Variants in EPM2A observed in about 807,000 individuals in gnomAD.
EPM2A encodes the protein laforin.
Under a neutral mutation model 26.5 loss-of-function variants are expected in EPM2A, and 21 were observed. The observed-to-expected ratio is 0.79, with a 90% CI of 0.56 to 1.14. The LOEUF (loss-of-function observed/expected upper bound fraction) is 1.14, where lower values mean the gene tolerates loss of function less well. Among genes scored for constraint, EPM2A ranks in the 50% most tolerant of loss-of-function variants. EPM2A has a pLI of 0.00. For synonymous variants in EPM2A, 217 were observed against 177.6 expected, an observed-to-expected ratio of 1.22 and a Z score of -1.76; for missense variants, 458 against 440.8, an observed-to-expected ratio of 1.04 and a Z score of -0.35.
chr6:145,519,435 C>CA (rs1780174619), intron 2 of EPM2A, among the ~76,000 whole-genome samples: 1 of 152,088 alleles, frequency 6.6e-6, no homozygotes, highest in East Asian at 1.9e-4. Flanking sequence ...CTAATGTTTT[C>CA]CCTTCAGGGT....
At chr6:145,504,275 A>G (rs1461837344) in intron 2 of EPM2A, among the ~76,000 whole-genome samples, 1 of 112,140 alleles carries the variant, frequency 8.9e-6, no homozygotes, top group Non-Finnish European at 1.9e-5. Flanking sequence ...GCTTCTGCAT[A>G]GCAAAAGAAA....
intron 4 of EPM2A, among the ~76,000 whole-genome samples, chr6:145,402,919 C>T (rs539727295): frequency 1.3e-5 from 2 of 152,120 alleles, no homozygotes; most frequent in Non-Finnish European, 2.9e-5. Flanking sequence ...AGGATATGTG[C>T]ATTTGCAATT....
chr6:145,712,407 G>C (rs1390413583), intron 1 of EPM2A, among the ~76,000 whole-genome samples: 1 of 152,050 alleles, frequency 6.6e-6, no homozygotes, highest in Non-Finnish European at 1.5e-5. Flanking sequence ...GGCTTTCAAT[G>C]AAAATTTTAA....
At chr6:145,665,807 T>C (rs1474878059) in intron 2 of EPM2A, among the ~76,000 whole-genome samples, 4 of 130,800 alleles carry the variant, frequency 3.1e-5, no homozygotes, top group Non-Finnish European at 6.4e-5. Context: ...ATCAAAAAGC[T>C]TATCCACCAT....
intron 2 of EPM2A, among the ~76,000 whole-genome samples, chr6:145,514,169 G>T (rs927508267): frequency 6.6e-6 from 1 of 152,216 alleles, no homozygotes; most frequent in Non-Finnish European, 1.5e-5. Context: ...AGTGGAGTAT[G>T]CGGATATTTG....
chr6:145,519,959 A>G (rs1482633566), intron 2 of EPM2A, among the ~76,000 whole-genome samples: 3 of 152,170 alleles, frequency 2.0e-5, no homozygotes, highest in African/African-American at 7.2e-5. Context: ...AACCAGTATA[A>G]TACAAAATTT....
chr6:145,583,184 C>G (rs1303379580), intron 2 of EPM2A, among the ~76,000 whole-genome samples: 1 of 152,166 alleles, frequency 6.6e-6, no homozygotes, highest in African/African-American at 2.4e-5. Flanking sequence ...TGGTTAAGAA[C>G]CATTGCTGTG....
At chr6:145,616,610 T>G (rs1220408747) in intron 2 of EPM2A, among the ~76,000 whole-genome samples, 1 of 152,168 alleles carries the variant, frequency 6.6e-6, no homozygotes, top group Non-Finnish European at 1.5e-5. Context: ...AGATACTCAA[T>G]GCCAGCCCAT....
At chr6:145,550,738 C>T (rs572713330) in intron 2 of EPM2A, among the ~76,000 whole-genome samples, 48 of 152,122 alleles carry the variant, frequency 3.2e-4, no homozygotes, top group African/African-American at 1.1e-3. Context: ...GATCTACTTC[C>T]ACTTTATGAA....
intron 4 of EPM2A, among the ~76,000 whole-genome samples, chr6:145,489,273 G>A (rs1301309224): frequency 1.3e-5 from 2 of 152,116 alleles, no homozygotes; most frequent in African/African-American, 4.8e-5. Flanking sequence ...AATGATTTAA[G>A]TTTGATTTTA....
chr6:145,385,738 C>T (rs373985297), intron 4 of EPM2A, among the ~76,000 whole-genome samples: 233 of 152,232 alleles, frequency 1.5e-3, no homozygotes, highest in African/African-American at 5.1e-3. Context: ...CTTGAATTTT[C>T]CCATTTCACA....
chr6:145,430,426 C>T (rs542856509), intron 4 of EPM2A, among the ~76,000 whole-genome samples: 68 of 151,686 alleles, frequency 4.5e-4, no homozygotes, highest in Middle Eastern at 3.5e-3. Flanking sequence ...ATGGTGAAAC[C>T]CCGTCTCTAC....
chr6:145,639,525 CCACCA>C (rs1776934102), intron 2 of EPM2A: 1 of 152,226 alleles, frequency 6.6e-6, no homozygotes, highest in South Asian at 2.1e-4. Context: ...CCACCTTGGA[CCACCA>C]GTCCAAGGTC....
At position 145,658,471 on chromosome 6, in the gene EPM2A, A is replaced by G. The variant is rs1778452041; in HGVS notation, c.477-22985T>C. ...TCAGAGATTTAGTTGTTTTTGTTAAAAAGCAGAAATCCCAGTGGATGCTTT... is the reference window on the plus strand; with the variant it reads ...TCAGAGATTTAGTTGTTTTTGTTAAGAAGCAGAAATCCCAGTGGATGCTTT... On this transcript the variant is annotated intron_variant, in intron 2 of 3. Coordinates refer to ENST00000367519, the MANE Select transcript of EPM2A (RefSeq NM_005670.4). Among the ~76,000 whole-genome samples the G allele has an allele frequency of 2.0e-5, 3 of 152,220 alleles. No individual in the cohort carries two copies. In the South Asian group the frequency reaches 6.2e-4, roughly 31 times the overall value.
chr6:145,637,460 GAGA>G (rs1776778371), intron 2 of EPM2A: 2 of 151,970 alleles, frequency 1.3e-5, no homozygotes, highest in Admixed American at 6.6e-5. Context: ...TCCCCTGCAG[GAGA>G]AGAACAACTT....
At chr6:145,684,825 A>T (rs948089451) in intron 2 of EPM2A, 1 of 152,090 alleles carries the variant, frequency 6.6e-6, no homozygotes, top group Non-Finnish European at 1.5e-5. Context: ...CAGGCCATAA[A>T]ACCACGAGAC....
chr6:145,532,692 T>C (rs1780375093), intron 2 of EPM2A, among the ~76,000 whole-genome samples: 1 of 152,184 alleles, frequency 6.6e-6, no homozygotes, highest in African/African-American at 2.4e-5. Flanking sequence ...TGTGTCAGTG[T>C]ACATGATTCA....
intron 2 of EPM2A, among the ~76,000 whole-genome samples, chr6:145,567,428 A>G (rs1396257881): frequency 6.6e-6 from 1 of 152,206 alleles, no homozygotes; most frequent in East Asian, 1.9e-4. Flanking sequence ...GTCAAGTGCA[A>G]TGTAGGTTGG....
intron 4 of EPM2A, among the ~76,000 whole-genome samples, chr6:145,470,115 A>G (rs1287174570): frequency 6.6e-6 from 1 of 152,144 alleles, no homozygotes; most frequent in African/African-American, 2.4e-5. Context: ...ATTTGATAGA[A>G]CAACAAAGTG....
Sources: gnomAD v4.1 joint callset for allele counts (sites outside exome capture counted in the v4.1 genomes callset) on GRCh38, gnomAD v4.1.1 for gene constraint, MANE v1.5 for transcripts, NCBI Gene and HGNC (gene_info 2026-07-23, HGNC 2026-07-21) for gene names.